STK32A: variants seen among roughly 807,000 people sequenced by gnomAD.
STK32A encodes serine/threonine-protein kinase 32A.
In STK32A, 41 loss-of-function variants were observed where a neutral mutation model predicts 53.2. The observed-to-expected ratio is 0.77, with a 90% CI of 0.60 to 1.00. The LOEUF (loss-of-function observed/expected upper bound fraction) is 1.00. STK32A is among the 50% of genes least tolerant of loss of function. The pLI is 0.00. For missense variants in STK32A, 458 were observed against 485.8 expected, an observed-to-expected ratio of 0.94 and a Z score of 0.54; for synonymous variants, 166 against 162.8, an observed-to-expected ratio of 1.02 and a Z score of -0.15.
intron 7 of STK32A, among the ~76,000 whole-genome samples, chr5:147,359,910 C>G (rs1019994631): frequency 6.6e-6 from 1 of 152,182 alleles, no homozygotes; most frequent in African/African-American, 2.4e-5. Flanking sequence ...TTAAAAAGAA[C>G]ATGAGTGCAC....
intron 7 of STK32A, among the ~76,000 whole-genome samples, chr5:147,352,588 C>A (rs1756034227): frequency 1.3e-5 from 2 of 152,290 alleles, no homozygotes; most frequent in South Asian, 2.1e-4. Flanking sequence ...TTCTCCCTCC[C>A]TTTTCCCTGT....
chr5:147,357,967 C>G (rs913734278), intron 7 of STK32A, among the ~76,000 whole-genome samples: 2 of 151,968 alleles, frequency 1.3e-5, no homozygotes, highest in African/African-American at 2.4e-5. Flanking sequence ...ATGCGGGACT[C>G]TTTCTTTATT....
chr5:147,355,695 TAAAATAA>T (rs1391034343), intron 7 of STK32A, among the ~76,000 whole-genome samples: 1 of 150,822 alleles, frequency 6.6e-6, no homozygotes, highest in African/African-American at 2.4e-5. Context: ...ATAAAATGAA[TAAAATAA>T]AAAATAAAAA....
At chr5:147,326,305 CT>C (rs1304578400) in intron 5 of STK32A, among the ~76,000 whole-genome samples, 2 of 152,100 alleles carry the variant, frequency 1.3e-5, no homozygotes, top group Non-Finnish European at 2.9e-5. Flanking sequence ...TCAGAAGGGC[CT>C]TTTTGTACTG....
chr5:147,271,860 C>T (rs1359725825), intron 2 of STK32A, among the ~76,000 whole-genome samples: 4 of 152,160 alleles, frequency 2.6e-5, no homozygotes, highest in Non-Finnish European at 4.4e-5. Context: ...ATTTTAATTT[C>T]GCCCCAGTCC....
chr5:147,247,646 CT>C (rs1753814591), intron 2 of STK32A, among the ~76,000 whole-genome samples: 1 of 152,150 alleles, frequency 6.6e-6, no homozygotes, highest in African/African-American at 2.4e-5. Context: ...GTAATACAGT[CT>C]CTGTCACAAC....
At position 147,370,681 on chromosome 5, in the gene STK32A, T is replaced by C; in HGVS notation, c.688T>C (p.Ser230Pro). Residue 230 changes from serine (S) to proline (P), a missense_variant, in exon 9 of 13, where the codon TCC (serine) becomes CCC (proline). Ser to Pro is a moderately conservative substitution (Grantham distance 74). Transcript: ENST00000397936. ...ACCGTATCATATTCGCTCCAGTACT[T>C]CCAGCAAGGAAATTGTACACACGTT... ...RRPYHIRSSTSSKEIVHTFET... is the reference protein window; with the variant it reads ...RRPYHIRSSTPSKEIVHTFET... 6.2e-7 allele frequency: 1 copy of C among 1,612,216 alleles called. No individual in the cohort carries two copies.
intron 5 of STK32A, among the ~76,000 whole-genome samples, chr5:147,337,102 G>A (rs1206399703): frequency 6.6e-6 from 1 of 152,214 alleles, no homozygotes; most frequent in Non-Finnish European, 1.5e-5. Flanking sequence ...TCATTCAAGT[G>A]AGAAGAGTAG....
intron 2 of STK32A, among the ~76,000 whole-genome samples, chr5:147,274,705 C>T (rs780183362): frequency 6.6e-6 from 1 of 152,186 alleles, no homozygotes; most frequent in Non-Finnish European, 1.5e-5. Flanking sequence ...AGGCAATATT[C>T]TATGCACATG....
intron 4 of STK32A, among the ~76,000 whole-genome samples, chr5:147,302,746 C>G (rs1403291438): frequency 6.6e-6 from 1 of 152,058 alleles, no homozygotes; most frequent in African/African-American, 2.4e-5. Context: ...TGCAGACATG[C>G]CATGCGACTC....
intron 4 of STK32A, among the ~76,000 whole-genome samples, chr5:147,297,749 G>A (rs956715138): frequency 2.6e-5 from 4 of 152,082 alleles, no homozygotes; most frequent in Admixed American, 1.3e-4. Context: ...AGGCCAAGGC[G>A]GGTGAATCAC....
chr5:147,309,994 T>G (rs72831361), intron 4 of STK32A, among the ~76,000 whole-genome samples: 1 of 152,326 alleles, frequency 6.6e-6, no homozygotes, highest in Non-Finnish European at 1.5e-5. Flanking sequence ...AAAATCAACT[T>G]AAAAATTTCA....
At chr5:147,254,554 T>C (rs1387271170) in intron 2 of STK32A, among the ~76,000 whole-genome samples, 1 of 152,164 alleles carries the variant, frequency 6.6e-6, no homozygotes, top group African/African-American at 2.4e-5. Flanking sequence ...GGTGCACCCT[T>C]ACAGATAGAA....
chr5:147,254,380 G>A (rs988286170), intron 2 of STK32A, among the ~76,000 whole-genome samples: 2 of 152,196 alleles, frequency 1.3e-5, no homozygotes, highest in Non-Finnish European at 2.9e-5. Flanking sequence ...AATAATGCAG[G>A]TTAAATGCCT....
At chr5:147,325,536 C>T (rs992876650) in intron 5 of STK32A, among the ~76,000 whole-genome samples, 2 of 152,154 alleles carry the variant, frequency 1.3e-5, no homozygotes, top group African/African-American at 4.8e-5. Context: ...GTACCACAGG[C>T]CAGTTCTTTT....
At chr5:147,248,014 G>A (rs948294363) in intron 2 of STK32A, among the ~76,000 whole-genome samples, 8 of 151,630 alleles carry the variant, frequency 5.3e-5, no homozygotes, top group African/African-American at 1.2e-4. Flanking sequence ...CCAGCTACTC[G>A]GGAGGCTGAG....
intron 7 of STK32A, among the ~76,000 whole-genome samples, chr5:147,359,905 A>T (rs924078723): frequency 2.6e-5 from 4 of 152,194 alleles, no homozygotes; most frequent in Admixed American, 2.6e-4. Context: ...TTTACTTAAA[A>T]AGAACATGAG....
chr5:147,312,841 C>A (rs1187696734), intron 4 of STK32A, among the ~76,000 whole-genome samples: 1 of 152,118 alleles, frequency 6.6e-6, no homozygotes, highest in Non-Finnish European at 1.5e-5. Context: ...ATTACATATA[C>A]CTTTGCCCTT....
At chr5:147,318,165 T>C (rs577077824) in intron 4 of STK32A, among the ~76,000 whole-genome samples, 1 of 152,322 alleles carries the variant, frequency 6.6e-6, no homozygotes, top group East Asian at 1.9e-4. Context: ...TATACTATAC[T>C]GCATACTATA....
Sources: allele counts gnomAD v4.1 joint callset (sites outside exome capture counted in the v4.1 genomes callset), GRCh38; gene constraint gnomAD v4.1.1; transcripts MANE v1.5; gene names NCBI Gene and HGNC (gene_info 2026-07-23, HGNC 2026-07-21).